GRIK4: variants seen among roughly 807,000 people sequenced by gnomAD.
GRIK4 encodes the protein glutamate receptor ionotropic, kainate 4.
GRIK4 carries 40 observed loss-of-function variants against 104.9 expected under a neutral mutation model. The observed-to-expected ratio is 0.38, with a 90% confidence interval of 0.30 to 0.50. The LOEUF is 0.50. Among genes scored for constraint, GRIK4 ranks in the 20% least tolerant of loss-of-function variants. The pLI is 0.93. For missense variants in GRIK4, 1,047 were observed against 1,308.1 expected, an observed-to-expected ratio of 0.80 and a Z score of 3.08; for synonymous variants, 485 against 524.9, an observed-to-expected ratio of 0.92 and a Z score of 1.04.
intron 3 of GRIK4, among the ~76,000 whole-genome samples, chr11:120,742,474 G>A (rs1394674318): frequency 2.0e-5 from 3 of 150,514 alleles, no homozygotes; most frequent in African/African-American, 7.3e-5. Flanking sequence ...TCAAAACCAC[G>A]AGATACCATC....
intron 3 of GRIK4, among the ~76,000 whole-genome samples, chr11:120,782,626 G>C (rs1435730405): frequency 6.6e-6 from 1 of 152,168 alleles, no homozygotes; most frequent in Non-Finnish European, 1.5e-5. Flanking sequence ...GGGATGCTCT[G>C]AGGTTGTTCT....
At chr11:120,747,192 A>G (rs1440265892) in intron 3 of GRIK4, among the ~76,000 whole-genome samples, 1 of 152,220 alleles carries the variant, frequency 6.6e-6, no homozygotes, top group African/African-American at 2.4e-5. Flanking sequence ...ACCCCTAATG[A>G]GTATAGTATG....
chr11:120,889,944 C>G (rs1955236566), intron 11 of GRIK4, among the ~76,000 whole-genome samples: 2 of 152,080 alleles, frequency 1.3e-5, no homozygotes, highest in African/African-American at 4.8e-5. Flanking sequence ...TTTGTCACAT[C>G]TGTAATTGCC....
intron 13 of GRIK4, among the ~76,000 whole-genome samples, chr11:120,909,556 AATGTGTACAAGG>A (rs1262308439): frequency 6.6e-6 from 1 of 152,158 alleles, no homozygotes; most frequent in East Asian, 1.9e-4. Flanking sequence ...GAAGAAAGAG[AATGTGTACAAGG>A]ATGAGGTGCC....
At chr11:120,877,771 G>A (rs1954858654) in intron 11 of GRIK4, among the ~76,000 whole-genome samples, 1 of 152,104 alleles carries the variant, frequency 6.6e-6, no homozygotes, top group African/African-American at 2.4e-5. Context: ...TTACAGCGGA[G>A]GAACAGTTAG....
chr11:120,647,224 C>T (rs1002204774), intron 1 of GRIK4, among the ~76,000 whole-genome samples: 24 of 152,160 alleles, frequency 1.6e-4, no homozygotes, highest in Non-Finnish European at 4.4e-5. Flanking sequence ...TTTTCTTTTC[C>T]AGTTTGTGGG....
At chr11:120,668,285 AAGAG>A (rs1177044795) in intron 3 of GRIK4, among the ~76,000 whole-genome samples, 17 of 151,030 alleles carry the variant, frequency 1.1e-4, no homozygotes, top group Non-Finnish European at 1.3e-4. Context: ...AAAAGAGAGA[AAGAG>A]AGAAAGAAAA....
chr11:120,522,132 G>A (rs1947802890), intron 1 of GRIK4, among the ~76,000 whole-genome samples: 1 of 152,198 alleles, frequency 6.6e-6, no homozygotes, highest in Admixed American at 6.5e-5. Context: ...TAGGCAGCCT[G>A]GGCCATGCTC....
intron 3 of GRIK4, among the ~76,000 whole-genome samples, chr11:120,677,185 A>G (rs1809747840): frequency 2.0e-5 from 3 of 152,156 alleles, no homozygotes; most frequent in African/African-American, 7.2e-5. Context: ...GTATTTTATC[A>G]CGTTGATTTA....
chr11:120,628,637 G>A (rs1489187231), intron 1 of GRIK4, among the ~76,000 whole-genome samples: 1 of 152,148 alleles, frequency 6.6e-6, no homozygotes, highest in Non-Finnish European at 1.5e-5. Flanking sequence ...GTCCTGGCCT[G>A]TTTCACTGAT....
intron 1 of GRIK4, among the ~76,000 whole-genome samples, chr11:120,515,838 G>GGGAA (rs1403804668): frequency 6.6e-6 from 1 of 152,200 alleles, no homozygotes; most frequent in Non-Finnish European, 1.5e-5. Context: ...GGTAAATTAT[G>GGGAA]GGAAGGAAGG....
At chr11:120,808,942 C>T (rs1037101721) in intron 4 of GRIK4, among the ~76,000 whole-genome samples, 1 of 152,158 alleles carries the variant, frequency 6.6e-6, no homozygotes, top group African/African-American at 2.4e-5. Flanking sequence ...GCCCAGAGAG[C>T]ACTGAGCAGC....
chr11:120,911,023 G>A (rs150711588), intron 13 of GRIK4, among the ~76,000 whole-genome samples: 76 of 152,266 alleles, frequency 5.0e-4, no homozygotes, highest in Non-Finnish European at 8.2e-4. Flanking sequence ...CCACACATAG[G>A]TGGGTCTCCC....
intron 20 of GRIK4, 65 bp from the exon 21 acceptor site, chr11:120,985,839 G>A (rs1301937346): frequency 1.4e-6 from 2 of 1,450,178 alleles, no homozygotes; most frequent in Admixed American, 2.0e-5. Flanking sequence ...TCATCCCAGC[G>A]GACTCGCAGG....
intron 3 of GRIK4, among the ~76,000 whole-genome samples, chr11:120,680,040 G>A (rs1026037061): frequency 3.3e-5 from 5 of 152,254 alleles, no homozygotes; most frequent in Middle Eastern, 3.4e-3. Context: ...TCAAGGCCTT[G>A]CTTATATATG....
chr11:120,725,760 T>A (rs1195235944), intron 3 of GRIK4, among the ~76,000 whole-genome samples: 2 of 152,128 alleles, frequency 1.3e-5, no homozygotes, highest in Non-Finnish European at 2.9e-5. Context: ...AAAAAAAATC[T>A]ATGGAACTAT....
chr11:120,525,536 AGGC>A (rs1190603852), intron 1 of GRIK4, among the ~76,000 whole-genome samples: 15 of 152,274 alleles, frequency 9.9e-5, no homozygotes, highest in African/African-American at 3.1e-4. Flanking sequence ...TGACTCTGAG[AGGC>A]ACATGGAGAA....
At chr11:120,869,009 G>A (rs1190316962) in intron 9 of GRIK4, 1 of 152,286 alleles carries the variant, frequency 6.6e-6, no homozygotes, top group South Asian at 2.1e-4. Context: ...AGATGCTTTG[G>A]GATGGAGATC....
intron 4 of GRIK4, among the ~76,000 whole-genome samples, chr11:120,805,314 C>G (rs1952691199): frequency 6.6e-6 from 1 of 152,160 alleles, no homozygotes; most frequent in Non-Finnish European, 1.5e-5. Context: ...CTTCTCGGTT[C>G]TTCAGGGCTT....
Sources: gnomAD v4.1 joint callset for allele counts (sites outside exome capture counted in the v4.1 genomes callset) on GRCh38, gnomAD v4.1.1 for gene constraint, MANE v1.5 for transcripts, NCBI Gene and HGNC (gene_info 2026-07-23, HGNC 2026-07-21) for gene names.